GOLGA4: variants seen among roughly 807,000 people sequenced by gnomAD.
GOLGA4 encodes golgin subfamily A member 4.
In GOLGA4, 169 loss-of-function variants were observed where a neutral mutation model predicts 265.9. That is an observed-to-expected ratio of 0.64 (90% CI 0.56 to 0.72). The LOEUF (loss-of-function observed/expected upper bound fraction) is 0.72. Among genes scored for constraint, GOLGA4 ranks in the 30% least tolerant of loss-of-function variants. The pLI is 0.00. For synonymous variants in GOLGA4, 923 were observed against 855.8 expected (o/e 1.08, Z -1.37); for missense variants, 2,482 against 2,483.4 (o/e 1.00, Z 0.01).
chr3:37,300,461 A>G (rs1422746065), intron 9 of GOLGA4, among the ~76,000 whole-genome samples: 1 of 151,758 alleles, frequency 6.6e-6, no homozygotes, highest in Admixed American at 6.6e-5. Flanking sequence ...TAGATTATAC[A>G]CTTCTTGAGG....
rs760945603 is a variant in GOLGA4, at chr3:37,282,253, A to G, written c.458A>G (p.Tyr153Cys). 3.1e-6 allele frequency: 5 copies of G among 1,613,864 alleles called. No individual in the cohort carries two copies. Among genetic ancestry groups the G allele is most frequent in the Non-Finnish European group, 4.2e-6 (5 of 1,179,752 alleles). ...AGAATGGAACGAAGCTTAAGTAGCTACAGGGGAAAATATTCTGAGGTAGGA... is the reference window on the plus strand; with the variant it reads ...AGAATGGAACGAAGCTTAAGTAGCTGCAGGGGAAAATATTCTGAGGTAGGA... ...LRRMERSLSS[Y>C]RGKYSELVTA... The change falls in exon 3 of 24, where the codon TAC becomes TGC. Residue 153 changes from tyrosine (Y) to cysteine (C), a missense_variant. Physicochemically the swap from Tyr to Cys is radical, Grantham distance 194. Transcript: ENST00000361924.
intron 22 of GOLGA4, among the ~76,000 whole-genome samples, chr3:37,356,419 C>G (rs1251640160): frequency 2.0e-5 from 3 of 152,082 alleles, no homozygotes; most frequent in Non-Finnish European, 4.4e-5. Flanking sequence ...ATACTTATTG[C>G]CTATTTTCTG....
chr3:37,348,230 A>T (rs2097062356), intron 21 of GOLGA4, among the ~76,000 whole-genome samples: 1 of 152,196 alleles, frequency 6.6e-6, no homozygotes, highest in African/African-American at 2.4e-5. Flanking sequence ...ATCTTAAAAG[A>T]ATATGATAAA....
intron 11 of GOLGA4, among the ~76,000 whole-genome samples, chr3:37,317,918 T>A (rs556902208): frequency 6.2e-4 from 91 of 147,652 alleles, no homozygotes; most frequent in African/African-American, 2.1e-3. Context: ...TCGTAGAAAA[T>A]TTTTTTTTTC....
At chr3:37,274,787 T>G (rs2096809549) in intron 2 of GOLGA4, among the ~76,000 whole-genome samples, 1 of 152,164 alleles carries the variant, frequency 6.6e-6, no homozygotes, top group Non-Finnish European at 1.5e-5. Context: ...TGGTTGTTCT[T>G]AGTAGTCCCT....
chr3:37,327,217 A>G lies in GOLGA4; in HGVS notation c.5331A>G (p.Leu1777=). 1 of 1,613,962 alleles carries G rather than the reference A, an allele frequency of 6.2e-7. No homozygotes were observed. The highest frequency in any genetic ancestry group is 8.5e-7 in the Non-Finnish European group (1 of 1,179,890). ...FEMRCQYQER[L]IKLEHAEAKQ... ...TGCGATGCCAATACCAGGAGCGCTTAATAAAGCTAGAACATGCTGAGGCAA... is the reference window on the plus strand; with the variant it reads ...TGCGATGCCAATACCAGGAGCGCTTGATAAAGCTAGAACATGCTGAGGCAA... The change falls in exon 14 of 24, where the codon TTA becomes TTG. Residue 1777 remains leucine (L), a synonymous_variant. Coordinates refer to ENST00000361924, the MANE Select transcript of GOLGA4 (RefSeq NM_002078.5).
rs200502673 is a variant in GOLGA4 at position 37,335,152 on chromosome 3, C to T, written c.6292C>T (p.Pro2098Ser). The T allele has an allele frequency of 5.0e-5, 79 of 1,579,826 alleles. No individual in the cohort carries two copies. The highest frequency in any genetic ancestry group is 6.8e-5 in the Non-Finnish European group (78 of 1,152,468). ...GCAAAAGCTAGAGCAGGAGGAGAAC[C>T]CTGGCAATGATAATGTGAGAGGAGT... is the stretch of plus-strand genomic sequence containing the variant. The part of the protein sequence containing the change: ...YQQKLEQEEN[P>S]GNDNVTIMEL... Residue 2098 changes from proline to serine, a missense_variant, in exon 17 of 24, where the codon CCT becomes TCT. By Grantham distance (74) the Pro-to-Ser change is moderately conservative (BLOSUM62 -1). Transcript: ENST00000361924.
At chr3:37,275,757 C>G (rs2096815718) in intron 2 of GOLGA4, 2 of 1,613,220 alleles carry the variant, frequency 1.2e-6, no homozygotes, top group Middle Eastern at 3.6e-4. Flanking sequence ...AAGAACGCGG[C>G]TGGAGCATTG....
intron 16 of GOLGA4, among the ~76,000 whole-genome samples, chr3:37,334,256 A>G (rs9828409): frequency 0.014 from 2,094 of 152,304 alleles, 46 homozygotes; most frequent in African/African-American, 0.048. Context: ...ATAAGTAGGA[A>G]TATTGGATCA....
intron 5 of GOLGA4, among the ~76,000 whole-genome samples, chr3:37,294,741 A>G (rs145918547): frequency 2.5e-4 from 38 of 152,286 alleles, no homozygotes; most frequent in African/African-American, 7.0e-4. Context: ...CCATCATTAC[A>G]GCTCTGGAAA....
At chr3:37,254,014 T>C (rs1254953053) in intron 2 of GOLGA4, among the ~76,000 whole-genome samples, 2 of 99,730 alleles carry the variant, frequency 2.0e-5, no homozygotes, top group East Asian at 4.4e-4. Context: ...AGACACAGTC[T>C]CAAAAAAAAA....
At position 37,281,398 on chromosome 3, in the gene GOLGA4, G is replaced by A. The variant is rs143536013; in HGVS notation, c.163-560G>A. Among the ~76,000 whole-genome samples the A allele has an allele frequency of 1.8e-3, 268 of 152,196 alleles. 2 individuals are homozygous for A. The highest frequency in any genetic ancestry group is 6.0e-3 in the African/African-American group (249 of 41,524). On this transcript the variant is annotated intron_variant, in intron 2 of 23. Transcript: ENST00000361924. ...GCCTCACATTCCCTTATTAAACAAA[G>A]TGGGTTCATTACACATTACCCTCCC... is the stretch of plus-strand genomic sequence containing the variant.
rs140149746 is a variant in GOLGA4, at chr3:37,282,605, A to G, written c.477+333A>G. 4.7e-4 allele frequency among the ~76,000 whole-genome samples: 72 copies of G among 152,296 alleles called. 1 individual carries two copies. The East Asian group carries it at 0.013, about 27-fold the overall frequency. ...CAGTGTGGAGTTCATCTTCTGGCTC[A>G]TATCCTCTCCTTTATTCCTCTCTAA... On this transcript the variant is annotated intron_variant, in intron 3 of 23. Coordinates refer to ENST00000361924, the MANE Select transcript of GOLGA4 (RefSeq NM_002078.5).
Position 37,243,287 on chromosome 3 carries a change from T to C in GOLGA4, c.-264T>C. 1.9e-6 allele frequency: 1 copy of C among 534,686 alleles called. No homozygotes were observed. Among genetic ancestry groups the C allele is most frequent in the South Asian group, 2.3e-5 (1 of 43,366 alleles). 33.1% of individuals were successfully genotyped at this position (534,686 alleles called of 1,614,324 possible). A position where few individuals can be genotyped will look rare whatever the true frequency, so the allele number is the denominator to read the frequency against. On this transcript the variant is annotated 5_prime_UTR_variant, in exon 1 of 24. Transcript: ENST00000361924. ...TTGGCGCACAGTTCACCTGCTGCCG[T>C]TGTCGTCGCCGCCGCGGCTCCCGGG...
At chr3:37,302,695 A>G in intron 10 of GOLGA4, 1 of 193,912 alleles carries the variant, frequency 5.2e-6, no homozygotes, top group Non-Finnish European at 1.1e-5. Flanking sequence ...TTCAGATTTA[A>G]AATTGTAGAA....
intron 2 of GOLGA4, among the ~76,000 whole-genome samples, chr3:37,280,366 C>T (rs964694808): frequency 4.6e-5 from 7 of 152,148 alleles, no homozygotes; most frequent in Non-Finnish European, 8.8e-5. Flanking sequence ...GTTCAGTGTA[C>T]ACACTTTGTT....
chr3:37,353,658 C>A (rs2097081835), intron 21 of GOLGA4, among the ~76,000 whole-genome samples: 1 of 152,048 alleles, frequency 6.6e-6, no homozygotes, highest in Non-Finnish European at 1.5e-5. Flanking sequence ...CCACCTCTCC[C>A]AAGTAGCTTG....
chr3:37,342,686 G>A (rs2097040473), intron 20 of GOLGA4, among the ~76,000 whole-genome samples: 1 of 152,040 alleles, frequency 6.6e-6, no homozygotes, highest in South Asian at 2.1e-4. Context: ...TATTAATTTT[G>A]TACATTCTTT....
chr3:37,254,594 C>T (rs1434997668), intron 2 of GOLGA4, among the ~76,000 whole-genome samples: 4 of 151,880 alleles, frequency 2.6e-5, no homozygotes, highest in South Asian at 2.1e-4. Context: ...CTGCAACCTC[C>T]GCCTCCTGGG....
Sources: gnomAD v4.1 joint callset for allele counts (sites outside exome capture counted in the v4.1 genomes callset) on GRCh38, gnomAD v4.1.1 for gene constraint, MANE v1.5 for transcripts, NCBI Gene and HGNC (gene_info 2026-07-23, HGNC 2026-07-21) for gene names.